Variants in PARP1 observed in about 807,000 individuals in gnomAD.
PARP1 encodes poly [ADP-ribose] polymerase 1.
PARP1 carries 44 observed loss-of-function variants against 118.7 expected under a neutral mutation model. The ratio of observed to expected loss-of-function variants is 0.37; its 90% CI spans 0.29 to 0.48. PARP1 has a LOEUF of 0.48. PARP1 is among the 20% of genes least tolerant of loss of function. The pLI is 0.99. For synonymous variants in PARP1, 492 were observed against 483.2 expected (o/e 1.02, Z -0.24); for missense variants, 1,100 against 1,272.4 (o/e 0.86, Z 2.06).
intron 19 of PARP1, 102 bp downstream of exon 19, chr1:226,364,899 TG>T: frequency 7.7e-7 from 1 of 1,296,614 alleles, no homozygotes; most frequent in Non-Finnish European, 1.1e-6. Flanking sequence ...AAAGGATGTC[TG>T]GCAGAATCCC....
chr1:226,407,855 G>C lies in PARP1; in HGVS notation c.75C>G (p.Ser25Arg). ...KSGRASCKKC[S>R]ESIPKDSLRM... ...GGAGCGAGTCCTTGGGGATGCTCTC[G>C]CTGCATTTCTTGCAAGAGGCGCGCC... Residue 25 changes from serine to arginine, a missense_variant, in exon 1 of 23, where the codon AGC becomes AGG. Transcript: ENST00000366794. The C allele has an allele frequency of 6.2e-7, 1 of 1,605,976 alleles. No homozygotes were observed. The highest frequency in any genetic ancestry group is 8.5e-7 in the Non-Finnish European group (1 of 1,176,502).
chr1:226,379,397 G>T, intron 11 of PARP1, 123 bp from the exon 12 acceptor site: 1 of 1,351,112 alleles, frequency 7.4e-7, no homozygotes, highest in Non-Finnish European at 1.1e-6. Context: ...CCCTCGGGAG[G>T]CTCCCCACAA....
At chr1:226,379,052 A>G in intron 12 of PARP1, 90 bp downstream of exon 12, 1 of 1,501,550 alleles carries the variant, frequency 6.7e-7, no homozygotes, top group Non-Finnish European at 9.3e-7. Flanking sequence ...CACTGGGCCT[A>G]ACGGGTTTCA....
chr1:226,406,017 T>G lies in PARP1; in HGVS notation c.120+1793A>C, dbSNP rs558633444. Among the ~76,000 whole-genome samples the G allele has an allele frequency of 3.5e-4, 53 of 152,206 alleles. 1 individual carries two copies. The South Asian group carries it at 0.011, about 32-fold the overall frequency. On this transcript the variant is annotated intron_variant, in intron 1 of 22. Coordinates refer to ENST00000366794, the MANE Select transcript of PARP1 (RefSeq NM_001618.4). Reference sequence around the variant, plus strand: ...GATAATTATCAAAACATTTGAAAGGTAATTTGGGTACAGTAACCCGTGAGC... The same window carrying G: ...GATAATTATCAAAACATTTGAAAGGGAATTTGGGTACAGTAACCCGTGAGC...
intron 19 of PARP1, chr1:226,364,348 G>A (rs967948385): frequency 2.4e-6 from 1 of 409,496 alleles, no homozygotes; most frequent in Non-Finnish European, 4.7e-6. Flanking sequence ...GTCTCATGGA[G>A]CTGCCATGAG....
intron 5 of PARP1, among the ~76,000 whole-genome samples, chr1:226,387,804 A>G (rs1338422243): frequency 6.6e-6 from 1 of 152,210 alleles, no homozygotes; most frequent in African/African-American, 2.4e-5. Flanking sequence ...AAGGACACTA[A>G]TCTCACCAAA....
Position 226,363,972 on chromosome 1 carries a change from G to A in PARP1, c.2757C>T (p.Ile919=), listed in dbSNP as rs139592583. Residue 919 remains isoleucine (I), a synonymous_variant, in exon 20 of 23, where the codon ATC becomes ATT. Coordinates refer to ENST00000366794, the MANE Select transcript of PARP1 (RefSeq NM_001618.4). Reference sequence around the variant, plus strand: ...TTCCAAGGGCAACTTCTCCCAACAGGATTAAGCCTATTGGGTCTCCCTGAG... The same window carrying A: ...TTCCAAGGGCAACTTCTCCCAACAGAATTAAGCCTATTGGGTCTCCCTGAG... ...HTSQGDPIGL[I]LLGEVALGNM... 2.5e-5 allele frequency: 40 copies of A among 1,613,890 alleles called. No homozygotes were observed. Among genetic ancestry groups the A allele is most frequent in the Non-Finnish European group, 3.2e-5 (38 of 1,179,956 alleles).
intron 7 of PARP1, among the ~76,000 whole-genome samples, chr1:226,384,363 C>T (rs1451329271): frequency 6.6e-6 from 1 of 152,264 alleles, no homozygotes; most frequent in African/African-American, 2.4e-5. Context: ...AGCTACAGAG[C>T]TGGCCTTGAT....
Position 226,386,393 on chromosome 1 carries a change from C to A in PARP1, c.767G>T (p.Cys256Phe). The A allele has an allele frequency of 1.2e-6, 2 of 1,614,106 alleles. No individual in the cohort carries two copies. Among genetic ancestry groups the A allele is most frequent in the Non-Finnish European group, 1.7e-6 (2 of 1,179,962 alleles). The change falls in exon 6 of 23, where the codon TGT (cysteine) becomes TTT (phenylalanine). Residue 256 changes from cysteine to phenylalanine, a missense_variant. Transcript: ENST00000366794. ...TAGCTCCTTCAGGTCATTAGTTGAA[C>A]ACACTTTCTTTAGCTCGTCCTTGAT... ...WNIKDELKKV[C>F]STNDLKELLI...
chr1:226,383,204 G>A (rs1285473992), intron 7 of PARP1, 21 bp from the exon 8 acceptor site: 2 of 1,609,858 alleles, frequency 1.2e-6, no homozygotes, highest in South Asian at 1.1e-5. Context: ...TTAAGTTTTA[G>A]TTAAGAAGCC....
chr1:226,385,725 C>CA (rs772691437), intron 6 of PARP1, 45 bp from the exon 7 acceptor site: 1 of 1,523,822 alleles, frequency 6.6e-7, no homozygotes, highest in South Asian at 1.1e-5. Flanking sequence ...TGCGGGACTA[C>CA]AAAAAAGGAC....
chr1:226,381,261 C>CTTACTGGGG, intron 8 of PARP1, 53 bp from the exon 9 acceptor site: 1 of 1,610,810 alleles, frequency 6.2e-7, no homozygotes. Context: ...TGCTGCTCCC[C>CTTACTGGGG]AGTAAGGGGA....
At chr1:226,395,928 C>G (rs1254974949) in intron 2 of PARP1, among the ~76,000 whole-genome samples, 2 of 152,120 alleles carry the variant, frequency 1.3e-5, no homozygotes, top group Non-Finnish European at 2.9e-5. Context: ...GGAGAACAGG[C>G]AGTTATTGCT....
In PARP1 at chr1:226,385,628, T is replaced by C. The variant is rs757283305; in HGVS notation, c.887A>G (p.Glu296Gly). The C allele has an allele frequency of 1.2e-6, 2 of 1,614,168 alleles. No individual in the cohort carries two copies. The highest frequency in any genetic ancestry group is 3.3e-5 in the Admixed American group (2 of 60,026). The change falls in exon 7 of 23, where the codon GAG (glutamate) becomes GGG (glycine). Residue 296 changes from glutamate to glycine, a missense_variant. This residue lies in a region of PARP1 where 948 missense variants were observed against 1,031.8 expected (regional missense o/e 0.92). Coordinates refer to ENST00000366794, the MANE Select transcript of PARP1 (RefSeq NM_001618.4). ...GAAGACCAGCTGACCCGAGCATTCC[T>C]CGCAGGGAAGGAGGGCACCGAACAC... Reference protein sequence around the residue: ...GMVFGALLPCEECSGQLVFKS... With the variant: ...GMVFGALLPCGECSGQLVFKS...
intron 2 of PARP1, among the ~76,000 whole-genome samples, chr1:226,399,833 G>A (rs766887874): frequency 2.0e-5 from 3 of 152,110 alleles, no homozygotes; most frequent in Non-Finnish European, 2.9e-5. Context: ...TAGGGCTAGC[G>A]GGTATATGGA....
At chr1:226,390,276 T>G in intron 4 of PARP1, 134 bp downstream of exon 4, 4 of 808,908 alleles carry the variant, frequency 4.9e-6, no homozygotes, top group Non-Finnish European at 8.5e-6. Flanking sequence ...TCACCATTCC[T>G]CAGTTTGCAT....
At position 226,361,286 on chromosome 1, in the gene PARP1, A is replaced by C; in HGVS notation, c.*174T>G. On this transcript the variant is annotated 3_prime_UTR_variant, in exon 23 of 23. Transcript: ENST00000366794. ...CCTCCCCACAGACACAACACAAAAC[A>C]AGGGACTTGAGAAGTTAGAGAAAAC... 1.5e-6 allele frequency: 1 copy of C among 679,444 alleles called. No individual in the cohort carries two copies. Among genetic ancestry groups the C allele is most frequent in the South Asian group, 1.6e-5 (1 of 61,412 alleles). The allele number at this position is 679,444 out of a possible 1,614,324, so 42.1% of individuals were successfully genotyped here.
intron 12 of PARP1, among the ~76,000 whole-genome samples, chr1:226,377,721 A>C (rs1446193263): frequency 6.6e-6 from 1 of 152,170 alleles, no homozygotes; most frequent in Non-Finnish European, 1.5e-5. Flanking sequence ...AGGCCAAGAC[A>C]TGATGAAATG....
At chr1:226,362,997 T>C (rs1664181123) in intron 21 of PARP1, 102 bp downstream of exon 21, 1 of 819,632 alleles carries the variant, frequency 1.2e-6, no homozygotes, top group Non-Finnish European at 2.2e-6. Flanking sequence ...TCCAGCTGTT[T>C]GACAGCCAGC....
Sources: gnomAD v4.1 joint callset for allele counts (sites outside exome capture counted in the v4.1 genomes callset) on GRCh38, gnomAD v4.1.1 for gene constraint, gnomAD v4.1.1 regional missense constraint, MANE v1.5 for transcripts, NCBI Gene and HGNC (gene_info 2026-07-23, HGNC 2026-07-21) for gene names.